Variants in VPS13C observed in about 807,000 individuals in gnomAD.
VPS13C encodes the protein vacuolar protein sorting 13 homolog C, also known as intermembrane lipid transfer protein VPS13C.
A neutral mutation model predicts 456.8 loss-of-function variants in VPS13C; 358 were observed. That is an observed-to-expected ratio of 0.78 (90% CI 0.72 to 0.86). The LOEUF is 0.86. VPS13C is among the 40% of genes least tolerant of loss of function. The probability of loss-of-function intolerance (pLI) is 0.00; values close to 1 mark genes in which losing one functional copy is unlikely to be tolerated. For missense variants in VPS13C, 4,818 were observed against 4,385.4 expected (o/e 1.10, Z -2.79); for synonymous variants, 1,578 against 1,486.7 (o/e 1.06, Z -1.41).
rs752571594 is a variant in VPS13C, at chr15:61,854,506, A to G, written c.11213T>C (p.Leu3738Ser). The change falls in exon 85 of 85, where the codon TTG becomes TCG. Residue 3738 changes from leucine to serine, a missense_variant. Physicochemically the swap from Leu to Ser is moderately radical, Grantham distance 145. Around this residue, in one of 3 missense-constraint regions of VPS13C, gnomAD observed 261 missense variants for 234.1 expected, o/e 1.11. Coordinates refer to ENST00000644861, the MANE Select transcript of VPS13C (RefSeq NM_020821.3). ...AAGTCTCACTGATGACTGCTTCATCAATTTTTGCTGCTGTCTCGTTGACTG... is the reference window on the plus strand; with the variant it reads ...AAGTCTCACTGATGACTGCTTCATCGATTTTTGCTGCTGTCTCGTTGACTG... ...DAQSTRQQQKLMKQSSVRLLR... is the reference protein window; with the variant it reads ...DAQSTRQQQKSMKQSSVRLLR... The G allele has an allele frequency of 1.2e-6, 2 of 1,614,132 alleles. No individual in the cohort carries two copies. The highest frequency in any genetic ancestry group is 3.3e-5 in the Admixed American group (2 of 60,016).
rs1411497372 is a variant in VPS13C at position 61,874,898 on chromosome 15, TCTCA to T, written c.10388_10391del (p.Val3463GlufsTer8). ...TACCTACTGTGTGTCCAAAGAGGCT[TCTCA>T]CTCCAATCACTAACCCCTCTGCAAA... is the stretch of plus-strand genomic sequence containing the variant. On this transcript the variant is annotated frameshift_variant, in exon 77 of 85. Transcript: ENST00000644861. LOFTEE classifies it high-confidence loss of function. 1 of 1,594,662 alleles carries T rather than the reference TCTCA, an allele frequency of 6.3e-7. No homozygotes were observed. Among genetic ancestry groups the T allele is most frequent in the Non-Finnish European group, 8.5e-7 (1 of 1,171,574 alleles).
At chr15:61,978,851 C>G (rs2045789107) in intron 22 of VPS13C, 102 bp from the exon 23 acceptor site, 1 of 1,168,862 alleles carries the variant, frequency 8.6e-7, no homozygotes, top group African/African-American at 1.6e-5. Context: ...TTAGTTAAAA[C>G]CTAACAAATT....
chr15:62,006,746 C>G (rs1234143616), intron 15 of VPS13C, among the ~76,000 whole-genome samples: 2 of 152,148 alleles, frequency 1.3e-5, no homozygotes, highest in South Asian at 2.1e-4. Flanking sequence ...TCCTATTTCT[C>G]CACATCCTCT....
intron 1 of VPS13C, among the ~76,000 whole-genome samples, chr15:62,047,700 G>A (rs562033708): frequency 1.3e-5 from 2 of 152,274 alleles, no homozygotes; most frequent in East Asian, 3.9e-4. Flanking sequence ...AGCAGTAGCT[G>A]AGTACTTATC....
intron 62 of VPS13C, among the ~76,000 whole-genome samples, chr15:61,913,054 G>A (rs1333791765): frequency 6.6e-6 from 1 of 150,648 alleles, no homozygotes; most frequent in Non-Finnish European, 1.5e-5. Flanking sequence ...AGGATGTGGA[G>A]AAATAGGAAC....
intron 66 of VPS13C, among the ~76,000 whole-genome samples, chr15:61,893,211 G>T (rs1330930247): frequency 6.6e-6 from 1 of 152,108 alleles, no homozygotes; most frequent in Non-Finnish European, 1.5e-5. Context: ...CTATGACAAA[G>T]AGAGGACCCT....
intron 67 of VPS13C, among the ~76,000 whole-genome samples, chr15:61,888,964 C>T (rs1008604804): frequency 3.3e-5 from 5 of 152,096 alleles, no homozygotes; most frequent in Admixed American, 6.6e-5. Context: ...AACAAGAGTG[C>T]GGGTACGTGA....
Position 61,872,054 on chromosome 15 carries a change from T to C in VPS13C, c.10579-20A>G, listed in dbSNP as rs2140878169. 6.2e-7 allele frequency: 1 copy of C among 1,610,656 alleles called. No homozygotes were observed. The highest frequency in any genetic ancestry group is 2.2e-5 in the East Asian group (1 of 44,722). ...AACTCCCTGAAAGAGAAATCAATCA[T>C]ATAGTTTAGACTGAATGGAAGGTGT... On this transcript the variant is annotated intron_variant, in intron 78 of 84. Coordinates refer to ENST00000644861, the MANE Select transcript of VPS13C (RefSeq NM_020821.3).
chr15:62,028,992 T>C (rs1309351454), intron 5 of VPS13C, among the ~76,000 whole-genome samples: 2 of 152,032 alleles, frequency 1.3e-5, no homozygotes, highest in Non-Finnish European at 2.9e-5. Flanking sequence ...ATCATAACTC[T>C]GATCATGTCA....
At chr15:61,951,575 A>C (rs1189924132) in intron 39 of VPS13C, among the ~76,000 whole-genome samples, 1 of 152,156 alleles carries the variant, frequency 6.6e-6, no homozygotes, top group Non-Finnish European at 1.5e-5. Flanking sequence ...ACATAATCAA[A>C]AAGAAATGTT....
At chr15:62,049,783 AGTG>A (rs1274359561) in intron 1 of VPS13C, among the ~76,000 whole-genome samples, 2 of 152,126 alleles carry the variant, frequency 1.3e-5, no homozygotes, top group Non-Finnish European at 2.9e-5. Context: ...TTCATTGAGC[AGTG>A]GTTTGTAGTT....
chr15:61,977,729 CAACT>C (rs1370756056), intron 23 of VPS13C, among the ~76,000 whole-genome samples: 2 of 151,976 alleles, frequency 1.3e-5, no homozygotes, highest in Non-Finnish European at 2.9e-5. Flanking sequence ...GATTTTCCAA[CAACT>C]AATAGAGTTC....
chr15:62,017,136 G>GT (rs1235460369), intron 9 of VPS13C, among the ~76,000 whole-genome samples: 1 of 152,090 alleles, frequency 6.6e-6, no homozygotes, highest in African/African-American at 2.4e-5. Context: ...TGATGGGGTT[G>GT]TTTTTTTCTT....
chr15:61,962,914 C>A, intron 32 of VPS13C, 62 bp from the exon 33 acceptor site: 1 of 1,163,380 alleles, frequency 8.6e-7, no homozygotes, highest in Non-Finnish European at 1.2e-6. Flanking sequence ...ATCTTTCTTT[C>A]CATTACATTA....
chr15:62,002,236 T>C (rs1014226240), intron 15 of VPS13C, among the ~76,000 whole-genome samples: 5 of 152,208 alleles, frequency 3.3e-5, no homozygotes, highest in African/African-American at 7.2e-5. Context: ...TGGTATCTCA[T>C]TGTGGTTTTG....
In VPS13C at chr15:61,981,496, A is replaced by C. The variant is rs1196031868; in HGVS notation, c.2030-18T>G. 10 of 1,566,776 alleles carry C rather than the reference A, an allele frequency of 6.4e-6. 1 individual carries two copies. Among genetic ancestry groups the C allele is most frequent in the Middle Eastern group, 1.7e-4 (1 of 5,718 alleles). ...TGTAAGTCCTAAAGACGTAAGAAATAATGACAGATTAGATGGTCAAGTTGA... is the reference window on the plus strand; with the variant it reads ...TGTAAGTCCTAAAGACGTAAGAAATCATGACAGATTAGATGGTCAAGTTGA... On this transcript the variant is annotated intron_variant, in intron 21 of 84. Transcript: ENST00000644861.
At chr15:62,025,379 G>A (rs534585061) in intron 6 of VPS13C, among the ~76,000 whole-genome samples, 13 of 152,012 alleles carry the variant, frequency 8.6e-5, no homozygotes, top group South Asian at 6.2e-4. Flanking sequence ...AGTAGTTCTT[G>A]CCACTGTGAA....
In VPS13C at chr15:61,916,004, C is replaced by A. The variant is rs1350966662; in HGVS notation, c.8074G>T (p.Glu2692Ter). The A allele has an allele frequency of 7.6e-6, 12 of 1,586,974 alleles. No homozygotes were observed. Among genetic ancestry groups the A allele is most frequent in the Admixed American group, 1.7e-5 (1 of 58,002 alleles). Reference protein sequence around the residue: ...YLLEGTAETHELAEGSTADVL... With the variant: ...YLLEGTAETH ...TCAGCAGTACTGCCTTCTGCCAGCT[C>A]ATGAGTTTCTGCTGTTCCCTAAAAA... is the stretch of plus-strand genomic sequence containing the variant. The change falls in exon 61 of 85, where the codon GAG becomes TAG. Residue 2692 changes from glutamate (E) to a stop codon, truncating the protein, a stop_gained. Transcript: ENST00000644861. LOFTEE classifies it high-confidence loss of function.
chr15:62,058,716 G>A (rs1045124771), intron 1 of VPS13C, among the ~76,000 whole-genome samples: 1 of 152,032 alleles, frequency 6.6e-6, no homozygotes, highest in African/African-American at 2.4e-5. Flanking sequence ...TGTATTGTTG[G>A]GCAAACCACA....
Sources: gnomAD v4.1 joint callset for allele counts (sites outside exome capture counted in the v4.1 genomes callset) on GRCh38, gnomAD v4.1.1 for gene constraint, gnomAD v4.1.1 regional missense constraint, MANE v1.5 for transcripts, NCBI Gene and HGNC (gene_info 2026-07-23, HGNC 2026-07-21) for gene names.